TRPM3: variants seen among roughly 807,000 people sequenced by gnomAD.
The protein encoded by TRPM3 is long transient receptor potential channel 3.
In TRPM3, 77 loss-of-function variants were observed where a neutral mutation model predicts 181.2. That is an observed-to-expected ratio of 0.42 (90% CI 0.35 to 0.51). TRPM3 has a LOEUF of 0.51. Among genes scored for constraint, TRPM3 ranks in the 20% least tolerant of loss-of-function variants. TRPM3 has a pLI of 0.01. For synonymous variants in TRPM3, 745 were observed against 796.4 expected (o/e 0.94, Z 1.09); for missense variants, 1,759 against 2,196.7 (o/e 0.80, Z 3.98).
intron 1 of TRPM3, among the ~76,000 whole-genome samples, chr9:71,169,613 T>C (rs951185693): frequency 1.3e-5 from 2 of 152,018 alleles, no homozygotes; most frequent in African/African-American, 2.4e-5. Flanking sequence ...TGGATATTTT[T>C]CTTATTAGGA....
intron 1 of TRPM3, among the ~76,000 whole-genome samples, chr9:70,965,696 G>T (rs918215945): frequency 6.6e-6 from 1 of 151,906 alleles, no homozygotes; most frequent in Non-Finnish European, 1.5e-5. Context: ...TTTGTTGAGG[G>T]TTTTTGCATC....
intron 1 of TRPM3, among the ~76,000 whole-genome samples, chr9:70,940,414 G>A (rs2096874510): frequency 6.6e-6 from 1 of 152,172 alleles, no homozygotes; most frequent in African/African-American, 2.4e-5. Context: ...ATGAATGCAA[G>A]TATCAGGAGA....
At chr9:70,977,263 T>A (rs916443521) in intron 1 of TRPM3, among the ~76,000 whole-genome samples, 2 of 152,208 alleles carry the variant, frequency 1.3e-5, no homozygotes, top group African/African-American at 4.8e-5. Context: ...GCCTCCCAAG[T>A]AGCTGGGACT....
At chr9:70,646,887 A>AC (rs35048300) in intron 9 of TRPM3, among the ~76,000 whole-genome samples, 32,300 of 147,558 alleles carry the variant, frequency 0.22, 4,738 homozygotes, top group African/African-American at 0.41. Flanking sequence ...AAAAAAAAAA[A>AC]AAAACCCTCA....
intron 1 of TRPM3, among the ~76,000 whole-genome samples, chr9:71,166,666 G>A (rs947861090): frequency 6.6e-6 from 1 of 152,130 alleles, no homozygotes; most frequent in Admixed American, 6.5e-5. Context: ...TAATGTTTTT[G>A]TCTCCATGTA....
At chr9:70,691,161 A>T (rs2068424655) in intron 8 of TRPM3, among the ~76,000 whole-genome samples, 2 of 152,300 alleles carry the variant, frequency 1.3e-5, no homozygotes, top group Admixed American at 1.3e-4. Context: ...ACCAAGTTCC[A>T]TATAAATTAA....
At chr9:70,976,804 T>C (rs2097307148) in intron 1 of TRPM3, among the ~76,000 whole-genome samples, 1 of 152,144 alleles carries the variant, frequency 6.6e-6, no homozygotes, top group Admixed American at 6.5e-5. Context: ...ATGAAATAAT[T>C]TACCAGCAAA....
chr9:70,911,902 C>T (rs1390057071), intron 1 of TRPM3, among the ~76,000 whole-genome samples: 1 of 152,192 alleles, frequency 6.6e-6, no homozygotes, highest in Non-Finnish European at 1.5e-5. Context: ...TGCAAACTTT[C>T]CCCTATGTCA....
chr9:71,314,424 A>C (rs981091835), intron 1 of TRPM3, among the ~76,000 whole-genome samples: 1 of 152,178 alleles, frequency 6.6e-6, no homozygotes, highest in African/African-American at 2.4e-5. Flanking sequence ...TTTCAACTAT[A>C]GTCAACATTA....
chr9:71,360,465 T>C (rs1349071119), intron 1 of TRPM3, among the ~76,000 whole-genome samples: 1 of 152,210 alleles, frequency 6.6e-6, no homozygotes, highest in Non-Finnish European at 1.5e-5. Context: ...ATAAGTCAGA[T>C]ATTTCATCAC....
At chr9:70,620,861 A>T (rs964771387) in intron 15 of TRPM3, among the ~76,000 whole-genome samples, 15 of 151,718 alleles carry the variant, frequency 9.9e-5, no homozygotes, top group Admixed American at 5.3e-4. Context: ...ACTTGTAAAC[A>T]CTCATGAATA....
At chr9:71,290,078 C>CAA (rs5898195) in intron 1 of TRPM3, among the ~76,000 whole-genome samples, 14 of 151,138 alleles carry the variant, frequency 9.3e-5, no homozygotes, top group South Asian at 8.3e-4. Flanking sequence ...TTAAAAAGTA[C>CAA]AAAAAAAGGA....
At chr9:70,683,476 T>A (rs2066004524) in intron 8 of TRPM3, among the ~76,000 whole-genome samples, 1 of 128,596 alleles carries the variant, frequency 7.8e-6, no homozygotes, top group Non-Finnish European at 1.6e-5. Context: ...TGGGGTTTCA[T>A]TATGTTGCCC....
chr9:70,939,591 T>C (rs2096865288), intron 1 of TRPM3, among the ~76,000 whole-genome samples: 1 of 152,218 alleles, frequency 6.6e-6, no homozygotes, highest in Admixed American at 6.5e-5. Context: ...CAAGGGTTGA[T>C]TTTGCAAGTG....
Position 70,616,089 on chromosome 9 carries a change from AATG to A in TRPM3, c.2359-17_2359-15del. The stretch of plus-strand genomic sequence containing the variant: ...TCCCAGAATTACCTAAAGTAATAAT[AATG>A]ATAATAATAATAATCACATTTAAAG... On this transcript the variant is annotated splice_polypyrimidine_tract_variant and intron_variant, in intron 17 of 25. Transcript: ENST00000677713. The A allele has an allele frequency of 6.6e-7, 1 of 1,519,714 alleles. No individual in the cohort carries two copies. Among genetic ancestry groups the A allele is most frequent in the Non-Finnish European group, 8.9e-7 (1 of 1,128,346 alleles). 94.1% of individuals were successfully genotyped at this position (1,519,714 alleles called of 1,614,324 possible). A position where few individuals can be genotyped will look rare whatever the true frequency, so the allele number is the denominator to read the frequency against.
intron 22 of TRPM3, among the ~76,000 whole-genome samples, chr9:70,566,314 C>T (rs1479420760): frequency 1.3e-5 from 2 of 151,944 alleles, no homozygotes; most frequent in Non-Finnish European, 1.5e-5. Flanking sequence ...AAGTGGCTCT[C>T]TGGGGAAAGG....
intron 1 of TRPM3, among the ~76,000 whole-genome samples, chr9:71,333,307 A>G (rs2090340898): frequency 6.6e-6 from 1 of 151,910 alleles, no homozygotes; most frequent in South Asian, 2.1e-4. Context: ...TACGAAATTG[A>G]CTTCTCAAAT....
intron 1 of TRPM3, among the ~76,000 whole-genome samples, chr9:71,432,693 T>C (rs1413709266): frequency 6.6e-6 from 1 of 152,290 alleles, no homozygotes; most frequent in South Asian, 2.1e-4. Context: ...GAAAACAATT[T>C]TAAAGTTTAT....
In TRPM3 at chr9:71,129,155, T is replaced by C. The variant is rs538131210; in HGVS notation, c.184-264644A>G. On this transcript the variant is annotated intron_variant, in intron 1 of 24. Transcript: ENST00000357533. ...AAAATGCAACATTGTTGATATTTATTCTGGTATCATATTTTTGACAACCAG... is the reference window on the plus strand; with the variant it reads ...AAAATGCAACATTGTTGATATTTATCCTGGTATCATATTTTTGACAACCAG... Among the ~76,000 whole-genome samples, 178 of 152,372 alleles carry C rather than the reference T, an allele frequency of 1.2e-3. 1 individual carries two copies. The highest frequency in any genetic ancestry group is 4.2e-3 in the African/African-American group (175 of 41,592).
Sources: allele counts gnomAD v4.1 joint callset (sites outside exome capture counted in the v4.1 genomes callset), GRCh38; gene constraint gnomAD v4.1.1; transcripts MANE v1.5; gene names NCBI Gene and HGNC (gene_info 2026-07-23, HGNC 2026-07-21).